Variants in TEX9 observed in about 807,000 individuals in gnomAD.
TEX9 encodes the protein testis expressed 9.
Under a neutral mutation model 59.6 loss-of-function variants are expected in TEX9, and 74 were observed. The observed-to-expected ratio is 1.24, with a 90% CI of 1.03 to 1.51. The LOEUF (loss-of-function observed/expected upper bound fraction) is 1.51, where lower values mean the gene tolerates loss of function less well. Ranked by LOEUF, TEX9 falls within the 40% of genes most tolerant of loss-of-function variation. The pLI is 0.00. For missense variants in TEX9, 522 were observed against 447.8 expected (o/e 1.17, Z -1.49); for synonymous variants, 186 against 152.2 (o/e 1.22, Z -1.64).
chr15:56,412,938 A>G lies in TEX9; in HGVS notation c.963+502A>G, dbSNP rs1457288099. ...AATAGGTCTGGAGTGAGGCCTGAGA[A>G]ATTGCACTTTTAACAAGTTCCCAGG... On this transcript the variant is annotated intron_variant, in intron 10 of 12. Coordinates refer to ENST00000352903, the Ensembl canonical transcript of TEX9. 2.6e-5 allele frequency among the ~76,000 whole-genome samples: 4 copies of G among 152,200 alleles called. No individual in the cohort carries two copies. The East Asian group carries it at 7.7e-4, about 29-fold the overall frequency.
chr15:56,288,543 C>T (rs1332068555), intron 1 of TEX9, among the ~76,000 whole-genome samples: 2 of 152,034 alleles, frequency 1.3e-5, no homozygotes, highest in African/African-American at 2.4e-5. Context: ...TTCCCTTCAG[C>T]ACTTTGAATA....
rs191250337 is a variant in TEX9, at chr15:56,443,619, G to T, written c.*30-2052G>T. ...ATTTCAGAATTTTACTAGTGTTAAA[G>T]AAGTGGTTATTTTAATACCGCATTC... On this transcript the variant is annotated intron_variant, in intron 12 of 12. Coordinates refer to ENST00000352903, the Ensembl canonical transcript of TEX9. 8.1e-6 allele frequency: 13 copies of T among 1,605,424 alleles called. 1 individual carries two copies. In the Admixed American group the frequency reaches 1.2e-4, roughly 15 times the overall value.
At chr15:56,324,592 G>C (rs534947596) in intron 1 of TEX9, among the ~76,000 whole-genome samples, 1 of 152,284 alleles carries the variant, frequency 6.6e-6, no homozygotes, top group Admixed American at 6.5e-5. Context: ...TAGGAATATT[G>C]TATAGGCTTT....
At chr15:56,323,123 G>C in intron 1 of TEX9, 1 of 215,044 alleles carries the variant, frequency 4.7e-6, no homozygotes, top group South Asian at 8.3e-5. Flanking sequence ...ATGGGCAAAG[G>C]AGATTCTAAG....
chr15:56,345,883 C>A (rs972275964), intron 1 of TEX9, among the ~76,000 whole-genome samples: 2 of 152,084 alleles, frequency 1.3e-5, no homozygotes, highest in Admixed American at 6.5e-5. Flanking sequence ...TTGTAGGAGC[C>A]AATGGATGTC....
In TEX9 at chr15:56,428,423, ACTTGAATGGGGAAATT is replaced by A. The variant is rs2050433258; in HGVS notation, c.1157_1172del (p.Leu386HisfsTer3). On this transcript the variant is annotated frameshift_variant, in exon 12 of 13. Transcript: ENST00000352903. LOFTEE classifies it high-confidence loss of function. ...TCACTGAGGAGGAATTTATGAAAGC[ACTTGAATGGGGAAATT>A]CATAAGTGATCTACTTCAGTTAGTC... 1 of 1,612,002 alleles carries A rather than the reference ACTTGAATGGGGAAATT, an allele frequency of 6.2e-7. No individual in the cohort carries two copies. Among genetic ancestry groups the A allele is most frequent in the Non-Finnish European group, 8.5e-7 (1 of 1,178,626 alleles).
intron 9 of TEX9, among the ~76,000 whole-genome samples, chr15:56,402,267 A>G (rs1290539132): frequency 6.6e-6 from 1 of 152,190 alleles, no homozygotes; most frequent in Non-Finnish European, 1.5e-5. Context: ...AAAATAGAGA[A>G]GAATCAAATA....
intron 1 of TEX9, among the ~76,000 whole-genome samples, chr15:56,307,909 A>C (rs1209074061): frequency 6.6e-6 from 1 of 152,206 alleles, no homozygotes; most frequent in Non-Finnish European, 1.5e-5. Flanking sequence ...GTTTGGATCA[A>C]TACATTTATT....
chr15:56,417,187 CT>C (rs1277324180), intron 10 of TEX9, among the ~76,000 whole-genome samples: 1 of 151,806 alleles, frequency 6.6e-6, no homozygotes, highest in East Asian at 1.9e-4. Context: ...TTTTTCATGT[CT>C]TGATTTCCTT....
chr15:56,297,599 G>T lies in TEX9; in HGVS notation c.-107+53321G>T, dbSNP rs565347472. 3.6e-4 allele frequency among the ~76,000 whole-genome samples: 55 copies of T among 152,272 alleles called. No individual in the cohort carries two copies. The South Asian group carries it at 4.6e-3, about 13-fold the overall frequency. On this transcript the variant is annotated intron_variant, in intron 1 of 5. Transcript: ENST00000560827. Reference sequence around the variant, plus strand: ...GGCTCACTGCAACCTCTGCCTCTCTGGTTCAAGCGATTCTCCTGCCTCAGC... The same window carrying T: ...GGCTCACTGCAACCTCTGCCTCTCTTGTTCAAGCGATTCTCCTGCCTCAGC...
At chr15:56,424,747 C>T (rs558225820) in intron 10 of TEX9, among the ~76,000 whole-genome samples, 32 of 152,042 alleles carry the variant, frequency 2.1e-4, no homozygotes, top group African/African-American at 6.7e-4. Context: ...CTTTTAAATT[C>T]GAAAAGAATG....
intron 10 of TEX9, among the ~76,000 whole-genome samples, chr15:56,426,651 ACACG>A (rs1352242255): frequency 2.4e-5 from 3 of 125,968 alleles, no homozygotes; most frequent in Admixed American, 8.3e-5. Flanking sequence ...ACACACACAC[ACACG>A]TATGTATACA....
rs1242728982 is a variant in TEX9, at chr15:56,298,640, A to C, written c.-107+54362A>C. 2.0e-5 allele frequency among the ~76,000 whole-genome samples: 3 copies of C among 152,182 alleles called. No individual in the cohort carries two copies. The East Asian group carries it at 5.8e-4, about 29-fold the overall frequency. On this transcript the variant is annotated intron_variant, in intron 1 of 5. Coordinates refer to the TEX9 transcript ENST00000560827. ...CATCTGTCCATCCCTTTATTGCTGA[A>C]CTTGAAGAAGGAGCCCATACACATT...
Position 56,261,556 on chromosome 15 carries a change from A to G in TEX9, c.-107+17278A>G, listed in dbSNP as rs537683612. ...AACATGGCGAAACCTCATCTCTACT[A>G]AAAATACAAAAATTAGCCAGGCGCA... is the stretch of plus-strand genomic sequence containing the variant. On this transcript the variant is annotated intron_variant, in intron 1 of 5. Transcript: ENST00000560827. Among the ~76,000 whole-genome samples the G allele has an allele frequency of 3.3e-5, 5 of 152,108 alleles. No homozygotes were observed. In the East Asian group the frequency reaches 7.7e-4, roughly 24 times the overall value.
chr15:56,312,158 A>G lies in TEX9; in HGVS notation c.-106-61283A>G, dbSNP rs1316558219. ...AAGCTCTTTAGTTTAATTACATCCC[A>G]TTTGTCAATTTTGTCTTTTGTTGCC... On this transcript the variant is annotated intron_variant, in intron 1 of 5. Coordinates refer to the TEX9 transcript ENST00000560827. Among the ~76,000 whole-genome samples, 16 of 148,338 alleles carry G rather than the reference A, an allele frequency of 1.1e-4. No homozygotes were observed. In the East Asian group the frequency reaches 2.1e-3, roughly 20 times the overall value.
intron 10 of TEX9, among the ~76,000 whole-genome samples, chr15:56,422,415 T>C (rs1429797733): frequency 6.6e-6 from 1 of 151,814 alleles, no homozygotes; most frequent in Admixed American, 6.6e-5. Flanking sequence ...TCCCTTCTTT[T>C]TGAATTGCTT....
At chr15:56,456,386 C>A in the TEX9 span, 4 of 1,596,064 alleles carry the variant, frequency 2.5e-6, no homozygotes, top group Non-Finnish European at 2.6e-6. Context: ...TTAGAGAAAC[C>A]AAGATACCTG....
At chr15:56,336,884 G>T (rs1410274496) in intron 1 of TEX9, among the ~76,000 whole-genome samples, 1 of 152,124 alleles carries the variant, frequency 6.6e-6, no homozygotes, top group Admixed American at 6.6e-5. Flanking sequence ...ACCTTTCAGC[G>T]TAGGGCGATT....
intron 1 of TEX9, among the ~76,000 whole-genome samples, chr15:56,338,142 G>T (rs940717583): frequency 3.3e-5 from 5 of 152,200 alleles, no homozygotes; most frequent in African/African-American, 1.2e-4. Context: ...TCTTATCAGT[G>T]TGTCCCTTTT....
Sources: allele counts gnomAD v4.1 joint callset (sites outside exome capture counted in the v4.1 genomes callset), GRCh38; gene constraint gnomAD v4.1.1; transcripts MANE v1.5; gene names NCBI Gene and HGNC (gene_info 2026-07-23, HGNC 2026-07-21).